CFAP54: variants seen among roughly 807,000 people sequenced by gnomAD.
CFAP54 encodes cilia and flagella associated protein 54.
Under a neutral mutation model 370.4 loss-of-function variants are expected in CFAP54, and 290 were observed. That is an observed-to-expected ratio of 0.78 (90% CI 0.71 to 0.86). CFAP54 has a LOEUF of 0.86. CFAP54 is among the 40% of genes least tolerant of loss of function. The pLI, the probability that CFAP54 is intolerant of heterozygous loss-of-function variation, is 0.00. For missense variants in CFAP54, 3,399 were observed against 3,528.7 expected, an observed-to-expected ratio of 0.96 and a Z score of 0.93; for synonymous variants, 1,206 against 1,236.5, an observed-to-expected ratio of 0.98 and a Z score of 0.52.
intron 66 of CFAP54, among the ~76,000 whole-genome samples, chr12:96,837,445 C>G (rs1197478698): frequency 1.3e-5 from 2 of 152,178 alleles, no homozygotes; most frequent in Non-Finnish European, 2.9e-5. Context: ...AATTTCCTCT[C>G]CAGCCCATGG....
chr12:96,570,272 C>T (rs909650399), intron 19 of CFAP54, among the ~76,000 whole-genome samples: 10 of 152,048 alleles, frequency 6.6e-5, no homozygotes, highest in African/African-American at 2.4e-4. Context: ...CTGTGCCCAG[C>T]CTCAGCTCTT....
intron 48 of CFAP54, among the ~76,000 whole-genome samples, chr12:96,710,962 T>C (rs952298150): frequency 1.3e-5 from 2 of 152,242 alleles, no homozygotes; most frequent in African/African-American, 4.8e-5. Context: ...TTTTATATTT[T>C]AGAAGAGTTT....
chr12:96,647,471 C>CGAAAAAAAAA (rs1167008566), intron 33 of CFAP54, among the ~76,000 whole-genome samples: 1 of 10,694 alleles, frequency 9.4e-5, no homozygotes, highest in Non-Finnish European at 2.5e-4. Context: ...AGACTCTGTC[C>CGAAAAAAAAA]CAAAAAAAAA....
At chr12:96,846,709 C>T (rs145693195) in intron 66 of CFAP54, among the ~76,000 whole-genome samples, 127 of 152,276 alleles carry the variant, frequency 8.3e-4, no homozygotes, top group Non-Finnish European at 1.6e-3. Flanking sequence ...CACTTTTCAT[C>T]AAGTGGTGCC....
intron 63 of CFAP54, among the ~76,000 whole-genome samples, chr12:96,801,226 C>T (rs1801760984): frequency 6.6e-6 from 1 of 152,156 alleles, no homozygotes; most frequent in Non-Finnish European, 1.5e-5. Context: ...AGGGCTAATA[C>T]TCCATGCCAC....
intron 66 of CFAP54, among the ~76,000 whole-genome samples, chr12:96,854,528 A>G (rs1959646380): frequency 6.6e-6 from 1 of 152,212 alleles, no homozygotes; most frequent in Admixed American, 6.5e-5. Flanking sequence ...TCAATAGTAC[A>G]AAAATTGAAA....
chr12:96,539,063 G>GTTTTTTTTTTTTT (rs1565889464), intron 13 of CFAP54, among the ~76,000 whole-genome samples: 2 of 102,324 alleles, frequency 2.0e-5, no homozygotes, highest in African/African-American at 7.2e-5. Flanking sequence ...GGCCTTTTCA[G>GTTTTTTTTTTTTT]GTTTTTTTTT....
intron 67 of CFAP54, among the ~76,000 whole-genome samples, chr12:96,865,885 C>A (rs1336813942): frequency 6.6e-6 from 1 of 151,902 alleles, no homozygotes; most frequent in Non-Finnish European, 1.5e-5. Context: ...TATACATATG[C>A]CCAATTTTAG....
chr12:96,791,660 A>G (rs1308509628), intron 62 of CFAP54, among the ~76,000 whole-genome samples: 1 of 152,182 alleles, frequency 6.6e-6, no homozygotes, highest in African/African-American at 2.4e-5. Flanking sequence ...ATAAATAGTA[A>G]TTTATAACCA....
intron 26 of CFAP54, among the ~76,000 whole-genome samples, chr12:96,616,487 T>G (rs570782181): frequency 6.6e-6 from 1 of 152,160 alleles, no homozygotes; most frequent in Non-Finnish European, 1.5e-5. Flanking sequence ...GTTGTACACA[T>G]GTACCCTAGA....
chr12:96,583,671 G>T (rs1168268481), intron 22 of CFAP54, among the ~76,000 whole-genome samples: 1 of 152,158 alleles, frequency 6.6e-6, no homozygotes, highest in Admixed American at 6.5e-5. Context: ...CCCTAAAAGG[G>T]TGTCTCAGGG....
chr12:96,548,587 C>T (rs972283436), intron 15 of CFAP54, among the ~76,000 whole-genome samples: 4 of 152,148 alleles, frequency 2.6e-5, no homozygotes, highest in Admixed American at 1.3e-4. Flanking sequence ...CTCAAATGCA[C>T]GTTCCTCTTC....
At chr12:96,593,684 TTGA>T (rs1355316529) in intron 24 of CFAP54, among the ~76,000 whole-genome samples, 29 of 149,950 alleles carry the variant, frequency 1.9e-4, no homozygotes, top group African/African-American at 6.3e-4. Flanking sequence ...ATACATAATC[TTGA>T]ATATATATAT....
chr12:96,495,611 G>A (rs751910086), intron 1 of CFAP54, among the ~76,000 whole-genome samples: 6 of 151,612 alleles, frequency 4.0e-5, no homozygotes, highest in Admixed American at 3.3e-4. Flanking sequence ...ATGAGCCATC[G>A]TGCCTGGCTG....
At position 96,853,180 on chromosome 12, in the gene CFAP54, T is replaced by C. The variant is rs1052672058; in HGVS notation, c.9172-7639T>C. Among the ~76,000 whole-genome samples the C allele has an allele frequency of 1.1e-4, 17 of 152,140 alleles. 1 individual carries two copies. Among genetic ancestry groups the C allele is most frequent in the Non-Finnish European group, 5.9e-5 (4 of 67,992 alleles). On this transcript the variant is annotated intron_variant, in intron 66 of 67. Transcript: ENST00000524981. Reference sequence around the variant, plus strand: ...ACCAAAAAATTGGAAGTAACTCAACTGGCCATCAACTGGAAAAATGAATAA... The same window carrying C: ...ACCAAAAAATTGGAAGTAACTCAACCGGCCATCAACTGGAAAAATGAATAA...
At chr12:96,677,911 CATA>C (rs2093261278) in intron 39 of CFAP54, among the ~76,000 whole-genome samples, 1 of 152,092 alleles carries the variant, frequency 6.6e-6, no homozygotes, top group South Asian at 2.1e-4. Flanking sequence ...TCCCTGGGCT[CATA>C]ATGACTCCAG....
chr12:96,832,712 G>A (rs1000162189), intron 66 of CFAP54, among the ~76,000 whole-genome samples: 3 of 152,096 alleles, frequency 2.0e-5, no homozygotes, highest in Admixed American at 6.6e-5. Flanking sequence ...TATAGAAAAG[G>A]AGAGGACAAA....
chr12:96,672,082 G>A (rs1957153722), intron 39 of CFAP54, among the ~76,000 whole-genome samples: 1 of 152,132 alleles, frequency 6.6e-6, no homozygotes, highest in Non-Finnish European at 1.5e-5. Flanking sequence ...AGCTGGGGGT[G>A]GTGGCTCAGG....
chr12:96,772,500 A>G (rs1958473149), intron 60 of CFAP54, among the ~76,000 whole-genome samples: 1 of 152,110 alleles, frequency 6.6e-6, no homozygotes, highest in Non-Finnish European at 1.5e-5. Context: ...TCGTTTCTGC[A>G]TATACAGACC....
Sources: allele counts gnomAD v4.1 joint callset (sites outside exome capture counted in the v4.1 genomes callset), GRCh38; gene constraint gnomAD v4.1.1; transcripts MANE v1.5; gene names NCBI Gene and HGNC (gene_info 2026-07-23, HGNC 2026-07-21).